Variants in ROBO1 observed in about 807,000 individuals in gnomAD.
ROBO1 encodes roundabout homolog 1.
In ROBO1, 149 loss-of-function variants were observed where a neutral mutation model predicts 195.9. The observed-to-expected ratio is 0.76, with a 90% CI of 0.67 to 0.87. ROBO1 has a LOEUF of 0.87. ROBO1 is among the 40% of genes least tolerant of loss of function. The probability of loss-of-function intolerance (pLI) is 0.00; values close to 1 mark genes in which losing one functional copy is unlikely to be tolerated. For missense variants in ROBO1, 1,933 were observed against 2,068.3 expected (o/e 0.93, Z 1.27); for synonymous variants, 816 against 733.2 (o/e 1.11, Z -1.82).
intron 2 of ROBO1, among the ~76,000 whole-genome samples, chr3:79,359,975 T>A (rs1183311888): frequency 6.6e-6 from 1 of 151,930 alleles, no homozygotes; most frequent in Non-Finnish European, 1.5e-5. Flanking sequence ...CATCACCAGA[T>A]AAAAGAAGAA....
chr3:79,333,349 CAT>C (rs1372114337), intron 2 of ROBO1, among the ~76,000 whole-genome samples: 1 of 152,148 alleles, frequency 6.6e-6, no homozygotes, highest in Non-Finnish European at 1.5e-5. Context: ...GTAAATCACA[CAT>C]ATCCTTATCA....
At chr3:79,622,288 C>T (rs1420031932) in intron 1 of ROBO1, among the ~76,000 whole-genome samples, 1 of 152,196 alleles carries the variant, frequency 6.6e-6, no homozygotes, top group Non-Finnish European at 1.5e-5. Context: ...AGCCTGTCAG[C>T]TGGAACCTGC....
At chr3:78,873,993 C>A (rs892980764) in intron 4 of ROBO1, among the ~76,000 whole-genome samples, 1 of 151,766 alleles carries the variant, frequency 6.6e-6, no homozygotes, top group Non-Finnish European at 1.5e-5. Context: ...TTATCACATA[C>A]CCCCTTGGAA....
intron 2 of ROBO1, among the ~76,000 whole-genome samples, chr3:79,475,491 A>C (rs913311001): frequency 6.6e-6 from 1 of 152,060 alleles, no homozygotes; most frequent in African/African-American, 2.4e-5. Context: ...ATTTAGAGAA[A>C]ATTCCTCAGT....
At chr3:79,411,044 C>G (rs982736401) in intron 2 of ROBO1, among the ~76,000 whole-genome samples, 1 of 152,046 alleles carries the variant, frequency 6.6e-6, no homozygotes, top group African/African-American at 2.4e-5. Flanking sequence ...GCAGCATTTC[C>G]TCTCTCCAAA....
At chr3:79,226,112 C>T (rs1015150793) in intron 2 of ROBO1, among the ~76,000 whole-genome samples, 1 of 152,062 alleles carries the variant, frequency 6.6e-6, no homozygotes, top group Non-Finnish European at 1.5e-5. Flanking sequence ...TTCAAATCAC[C>T]ACTCTTAATC....
chr3:78,625,909 A>G (rs564943914), intron 26 of ROBO1, among the ~76,000 whole-genome samples: 1 of 152,218 alleles, frequency 6.6e-6, no homozygotes, highest in East Asian at 1.9e-4. Flanking sequence ...AGGGAGGCCA[A>G]GGAAGAGGAA....
rs986361520 is a variant in ROBO1, at chr3:78,944,580, G to A, written c.173-5653C>T. ...AACAGCTCCGGTCTACAGCTCCCAG[G>A]GGGAGCAACGCAGAAGACCAGTGAT... On this transcript the variant is annotated intron_variant, in intron 3 of 30. Transcript: ENST00000464233. Among the ~76,000 whole-genome samples the A allele has an allele frequency of 2.6e-5, 4 of 152,204 alleles. No individual in the cohort carries two copies. In the East Asian group the frequency reaches 7.7e-4, roughly 29 times the overall value.
At position 79,175,703 on chromosome 3, in the gene ROBO1, GAC is replaced by G. The variant is rs543327394; in HGVS notation, c.89-50166_89-50165del. On this transcript the variant is annotated intron_variant, in intron 2 of 30. Coordinates refer to ENST00000464233, the MANE Select transcript of ROBO1 (RefSeq NM_002941.4). Reference sequence around the variant, plus strand: ...CAGGTGACTGCATATATTCTTCTAAGACACACACTTCATATTTGGCCATGTGA... The same window carrying G: ...CAGGTGACTGCATATATTCTTCTAAGACACACTTCATATTTGGCCATGTGA... 2.3e-3 allele frequency among the ~76,000 whole-genome samples: 356 copies of G among 152,180 alleles called. 1 individual carries two copies. The highest frequency in any genetic ancestry group is 0.014 in the South Asian group (68 of 4,828).
intron 2 of ROBO1, among the ~76,000 whole-genome samples, chr3:79,188,433 C>A (rs1318434672): frequency 6.6e-6 from 1 of 151,700 alleles, no homozygotes; most frequent in Non-Finnish European, 1.5e-5. Flanking sequence ...CAGAAAACAA[C>A]AGCAGTTTGT....
intron 2 of ROBO1, among the ~76,000 whole-genome samples, chr3:79,212,112 C>G (rs2081975566): frequency 6.6e-6 from 1 of 152,208 alleles, no homozygotes; most frequent in Non-Finnish European, 1.5e-5. Context: ...TTTAAGAACG[C>G]CTTTAAGCAG....
chr3:78,639,564 G>A (rs766671140), intron 22 of ROBO1, among the ~76,000 whole-genome samples, 180 bp downstream of exon 22: 21 of 152,200 alleles, frequency 1.4e-4, no homozygotes, highest in Non-Finnish European at 2.1e-4. Flanking sequence ...CTTTAGCAAA[G>A]TATGGAGGTT....
intron 2 of ROBO1, among the ~76,000 whole-genome samples, chr3:79,291,174 T>TA (rs1243745302): frequency 6.6e-6 from 1 of 152,068 alleles, no homozygotes; most frequent in Non-Finnish European, 1.5e-5. Context: ...CCCAACCACT[T>TA]AGACTCAAAA....
intron 2 of ROBO1, among the ~76,000 whole-genome samples, chr3:79,485,566 T>C (rs762822858): frequency 1.8e-4 from 28 of 152,158 alleles, no homozygotes; most frequent in Non-Finnish European, 4.1e-4. Context: ...ATATCTGTCA[T>C]TTTTTTGTTA....
intron 4 of ROBO1, among the ~76,000 whole-genome samples, chr3:78,771,123 G>C (rs888604903): frequency 1.3e-5 from 2 of 152,194 alleles, no homozygotes; most frequent in Admixed American, 1.3e-4. Flanking sequence ...GTGAAAGGTA[G>C]GGGTTCAGTT....
At chr3:79,147,001 T>C (rs919965578) in intron 2 of ROBO1, among the ~76,000 whole-genome samples, 3 of 151,998 alleles carry the variant, frequency 2.0e-5, no homozygotes, top group African/African-American at 4.8e-5. Context: ...TTTAGAAAGA[T>C]ATGCAAATAA....
At chr3:78,884,687 GGAAGGAAGGAAGGAAGGAAA>G (rs2036426415) in intron 4 of ROBO1, among the ~76,000 whole-genome samples, 1 of 131,180 alleles carries the variant, frequency 7.6e-6, no homozygotes, top group Admixed American at 8.4e-5. Flanking sequence ...AAGGAAGGAA[GGAAGGAAGGAAGGAAGGAAA>G]GAAAGAAGGA....
chr3:79,365,880 C>T (rs35914571), intron 2 of ROBO1, among the ~76,000 whole-genome samples: 9 of 137,658 alleles, frequency 6.5e-5, no homozygotes, highest in African/African-American at 2.5e-4. Flanking sequence ...CTGGGCGACA[C>T]AGCAAGACTC....
intron 2 of ROBO1, among the ~76,000 whole-genome samples, chr3:79,241,308 T>C (rs1559758412): frequency 6.6e-6 from 1 of 152,232 alleles, no homozygotes; most frequent in Non-Finnish European, 1.5e-5. Context: ...AGGAAGACAA[T>C]GATTTGAATA....
Sources: allele counts gnomAD v4.1 joint callset (sites outside exome capture counted in the v4.1 genomes callset), GRCh38; gene constraint gnomAD v4.1.1; transcripts MANE v1.5; gene names NCBI Gene and HGNC (gene_info 2026-07-23, HGNC 2026-07-21).